STK11IP: variants seen among roughly 807,000 people sequenced by gnomAD.
STK11IP encodes serine/threonine-protein kinase 11-interacting protein.
In STK11IP, 103 loss-of-function variants were observed where a neutral mutation model predicts 131.7. The observed-to-expected ratio is 0.78, with a 90% CI of 0.67 to 0.92. The LOEUF is 0.92. Ranked by LOEUF, STK11IP falls within the 40% of genes least tolerant of loss-of-function variation. STK11IP has a pLI of 0.00. For synonymous variants in STK11IP, 557 were observed against 575.6 expected, an observed-to-expected ratio of 0.97 and a Z score of 0.46; for missense variants, 1,315 against 1,385.7, an observed-to-expected ratio of 0.95 and a Z score of 0.81.
intron 23 of STK11IP, 80 bp downstream of exon 23, chr2:219,614,626 G>C (rs751706212): frequency 7.1e-7 from 1 of 1,403,296 alleles, no homozygotes; most frequent in Non-Finnish European, 1.0e-6. Context: ...CGCAGCACCT[G>C]TACAGTGCCC....
intron 7 of STK11IP, 73 bp downstream of exon 7, chr2:219,602,849 C>T: frequency 7.0e-7 from 1 of 1,421,656 alleles, no homozygotes; most frequent in South Asian, 1.2e-5. Context: ...CTCTCCTTGA[C>T]CAGCTTTTAC....
intron 7 of STK11IP, among the ~76,000 whole-genome samples, chr2:219,603,036 GTTTTTTTTTT>G (rs750626798): frequency 8.4e-6 from 1 of 118,744 alleles, no homozygotes; most frequent in Non-Finnish European, 1.7e-5. Flanking sequence ...AGAGTACCTG[GTTTTTTTTTT>G]TTTTTTTTTT....
intron 7 of STK11IP, among the ~76,000 whole-genome samples, chr2:219,603,158 C>T (rs1458921040): frequency 6.7e-6 from 1 of 149,724 alleles, no homozygotes; most frequent in Non-Finnish European, 1.5e-5. Flanking sequence ...TCTCCTGCTT[C>T]AGCCTCCCAA....
At position 219,613,891 on chromosome 2, in the gene STK11IP, G is replaced by T. The variant is rs1419148187; in HGVS notation, c.2677G>T (p.Asp893Tyr). 9 of 1,581,988 alleles carry T rather than the reference G, an allele frequency of 5.7e-6. No individual in the cohort carries two copies. Among genetic ancestry groups the T allele is most frequent in the Admixed American group, 3.4e-5 (2 of 58,700 alleles). ...GAGRCVLLPRDARHCRAFLEE... is the reference protein window; with the variant it reads ...GAGRCVLLPRYARHCRAFLEE... ...GGGCCGCTGTGTGCTGCTGCCCCGA[G>T]ATGCCAGGCATTGCCGGGCCTTCCT... The change falls in exon 21 of 25, where the codon GAT becomes TAT. Residue 893 changes from aspartate (D) to tyrosine (Y), a missense_variant. Asp to Tyr is a radical substitution (Grantham distance 160). Coordinates refer to ENST00000456909, the MANE Select transcript of STK11IP (RefSeq NM_052902.4).
chr2:219,602,103 A>G lies in STK11IP; in HGVS notation c.438+20A>G, dbSNP rs1698006591. The G allele has an allele frequency of 6.5e-7, 1 of 1,540,412 alleles. No homozygotes were observed. Among genetic ancestry groups the G allele is most frequent in the Admixed American group, 1.8e-5 (1 of 54,814 alleles). ...TTAGAGGTAAGGAGAGTGAGGGGTG[A>G]GCTCAGACACCTCAACTTGAGAGAT... On this transcript the variant is annotated intron_variant, in intron 5 of 24. Coordinates refer to ENST00000456909, the MANE Select transcript of STK11IP (RefSeq NM_052902.4).
rs1410851509 is a variant in STK11IP at position 219,606,289 on chromosome 2, G to C, written c.944G>C (p.Gly315Ala). 1 of 1,563,628 alleles carries C rather than the reference G, an allele frequency of 6.4e-7. No individual in the cohort carries two copies. Among genetic ancestry groups the C allele is most frequent in the African/African-American group, 1.4e-5 (1 of 73,526 alleles). ...LSPRARDAAT[G>A]FLLDGKVLSL... The stretch of plus-strand genomic sequence containing the variant: ...CCCCGGGCCAGGGATGCTGCTACTG[G>C]CGTGAGTGATCGTCCTGTGTCCACT... The change falls in exon 10 of 25, where the codon GGC becomes GCC. Residue 315 changes from glycine (G) to alanine (A), a missense_variant and splice_region_variant. Physicochemically the swap from Gly to Ala is moderately conservative, Grantham distance 60. Coordinates refer to ENST00000456909, the MANE Select transcript of STK11IP (RefSeq NM_052902.4).
intron 7 of STK11IP, among the ~76,000 whole-genome samples, chr2:219,604,363 C>G (rs1698085150): frequency 6.6e-6 from 1 of 152,132 alleles, no homozygotes; most frequent in Non-Finnish European, 1.5e-5. Context: ...CCAGAGGAGC[C>G]TGAGTAGGGT....
rs1698449142 is a variant in STK11IP at position 219,613,215 on chromosome 2, G to A, written c.2527G>A (p.Gly843Arg). 2 of 1,604,004 alleles carry A rather than the reference G, an allele frequency of 1.2e-6. No individual in the cohort carries two copies. Among genetic ancestry groups the A allele is most frequent in the African/African-American group, 2.7e-5 (2 of 73,506 alleles). ...DRRLYLLKVT[G>R]EMREPPASWL... ...CAGGCTGTACCTGTTGAAGGTGACT[G>A]GGGAGATGCGGTGAGTGAGAGGGGA... The change falls in exon 20 of 25, where the codon GGG (glycine) becomes AGG (arginine). Residue 843 changes from glycine to arginine, a missense_variant. Gly to Arg is a moderately radical substitution (Grantham distance 125, BLOSUM62 -2). Coordinates refer to ENST00000456909, the MANE Select transcript of STK11IP (RefSeq NM_052902.4).
chr2:219,611,826 T>A lies in STK11IP; in HGVS notation c.2327T>A (p.Leu776His). ...ACCCGTGACCATGGTAGTTGGAGCC[T>A]CAGTCCCCGTGAGTATAGGCAAAAC... is the stretch of plus-strand genomic sequence containing the variant. ...PSTRDHGSWS[L>H]SPPPERCGLR... Residue 776 changes from leucine (L) to histidine (H), a missense_variant, in exon 18 of 25, where the codon CTC becomes CAC. By Grantham distance (99) the Leu-to-His change is moderately conservative (BLOSUM62 -3). Coordinates refer to ENST00000456909, the MANE Select transcript of STK11IP (RefSeq NM_052902.4). 1.9e-6 allele frequency: 3 copies of A among 1,611,634 alleles called. No homozygotes were observed. Among genetic ancestry groups the A allele is most frequent in the Non-Finnish European group, 2.5e-6 (3 of 1,179,176 alleles).
intron 17 of STK11IP, chr2:219,610,002 G>A (rs1013075004): frequency 3.1e-5 from 6 of 191,416 alleles, no homozygotes; most frequent in African/African-American, 1.2e-4. Flanking sequence ...ACCTTGGAAG[G>A]TACATAATGT....
At chr2:219,600,032 G>A (rs973673601) in intron 2 of STK11IP, among the ~76,000 whole-genome samples, 2 of 136,930 alleles carry the variant, frequency 1.5e-5, no homozygotes, top group Non-Finnish European at 3.1e-5. Flanking sequence ...CACCACGCCT[G>A]CCCTTTGTGT....
rs777611626 is a variant in STK11IP at position 219,598,139 on chromosome 2, A to C, written c.20A>C (p.Asp7Ala). 5.0e-6 allele frequency: 8 copies of C among 1,585,550 alleles called. No homozygotes were observed. Among genetic ancestry groups the C allele is most frequent in the Non-Finnish European group, 6.0e-6 (7 of 1,166,540 alleles). Residue 7 changes from aspartate (D) to alanine (A), a missense_variant, in exon 2 of 25, where the codon GAC (aspartate) becomes GCC (alanine). Coordinates refer to ENST00000456909, the MANE Select transcript of STK11IP (RefSeq NM_052902.4). The stretch of plus-strand genomic sequence containing the variant: ...GTGGCCATGACGACCGCTCAGAGGG[A>C]CTCCCTGTTGTGGAAGCTCGCGGGG... MTTAQR[D>A]SLLWKLAGLL...
intron 15 of STK11IP, 127 bp downstream of exon 15, chr2:219,608,915 A>G: frequency 1.7e-6 from 2 of 1,198,424 alleles, no homozygotes; most frequent in South Asian, 1.6e-5. Flanking sequence ...GGGGAGCCTC[A>G]GAGGTTGCAA....
chr2:219,616,414 T>G lies in STK11IP; in HGVS notation c.*221T>G, dbSNP rs538678206. ...GTCAGGAGGAATATTTTTCCTGCAC[T>G]TTTTCTCAGGTATCAATAAAGTTGT... On this transcript the variant is annotated 3_prime_UTR_variant, in exon 25 of 25. Transcript: ENST00000456909. 5 of 549,788 alleles carry G rather than the reference T, an allele frequency of 9.1e-6. No homozygotes were observed. The highest frequency in any genetic ancestry group is 4.9e-4 in the Middle Eastern group (1 of 2,030). 34.1% of individuals were successfully genotyped at this position (549,788 alleles called of 1,614,324 possible). A position where few individuals can be genotyped will look rare whatever the true frequency, so the allele number is the denominator to read the frequency against.
intron 8 of STK11IP, 47 bp from the exon 9 acceptor site, chr2:219,605,909 C>T (rs373372058): frequency 7.9e-6 from 12 of 1,515,740 alleles, no homozygotes; most frequent in African/African-American, 4.1e-5. Flanking sequence ...CACTCACTTG[C>T]GTGTACTCAT....
At chr2:219,606,428 C>G (rs1322054441) in intron 10 of STK11IP, 48 bp from the exon 11 acceptor site, 1 of 1,592,070 alleles carries the variant, frequency 6.3e-7, no homozygotes, top group Admixed American at 1.8e-5. Flanking sequence ...TGGAGCTCAG[C>G]AGGATGGGCC....
chr2:219,609,667 G>A, intron 17 of STK11IP, 127 bp downstream of exon 17: 1 of 1,121,452 alleles, frequency 8.9e-7, no homozygotes. Context: ...CAGTTGTTCT[G>A]CCTGGAGGAA....
At position 219,615,295 on chromosome 2, in the gene STK11IP, T is replaced by TC; in HGVS notation, c.3072dup (p.Tyr1025LeufsTer6). ...CTCAGCAGCCTGAGCTCCGTGCTGCTCTACCGCTCAGCCCCTGAGGACTTG... is the reference window on the plus strand; with the variant it reads ...CTCAGCAGCCTGAGCTCCGTGCTGCTCCTACCGCTCAGCCCCTGAGGACTTG... On this transcript the variant is annotated frameshift_variant, in exon 24 of 25. Coordinates refer to ENST00000456909, the MANE Select transcript of STK11IP (RefSeq NM_052902.4). LOFTEE classifies it high-confidence loss of function. 1 of 1,602,644 alleles carries TC rather than the reference T, an allele frequency of 6.2e-7. No individual in the cohort carries two copies.
chr2:219,614,068 G>T, intron 21 of STK11IP, 93 bp from the exon 22 acceptor site: 1 of 1,549,786 alleles, frequency 6.5e-7, no homozygotes, highest in Non-Finnish European at 8.8e-7. Context: ...CTGAAATCCA[G>T]AAATGTGGAG....
Sources: allele counts gnomAD v4.1 joint callset (sites outside exome capture counted in the v4.1 genomes callset), GRCh38; gene constraint gnomAD v4.1.1; transcripts MANE v1.5; gene names NCBI Gene and HGNC (gene_info 2026-07-23, HGNC 2026-07-21).